Variants in STXBP5L observed in about 807,000 individuals in gnomAD.
STXBP5L encodes the protein syntaxin binding protein 5L.
A neutral mutation model predicts 144.5 loss-of-function variants in STXBP5L; 65 were observed. The observed-to-expected ratio is 0.45, with a 90% CI of 0.37 to 0.55. STXBP5L has a LOEUF of 0.55. Among genes scored for constraint, STXBP5L ranks in the 20% least tolerant of loss-of-function variants. The pLI is 0.00. For missense variants in STXBP5L, 1,298 were observed against 1,405.5 expected (o/e 0.92, Z 1.22); for synonymous variants, 505 against 469.6 (o/e 1.08, Z -0.97).
At chr3:120,992,144 CTTAT>C (rs567617731) in intron 3 of STXBP5L, among the ~76,000 whole-genome samples, 76 of 151,924 alleles carry the variant, frequency 5.0e-4, no homozygotes, top group South Asian at 3.5e-3. Context: ...TTTAAAAAAA[CTTAT>C]TTATTTATTT....
intron 9 of STXBP5L, among the ~76,000 whole-genome samples, chr3:121,198,117 G>A (rs1318595380): frequency 6.6e-6 from 1 of 151,332 alleles, no homozygotes; most frequent in African/African-American, 2.4e-5. Context: ...CACCAACAGT[G>A]TAAAAGCATT....
intron 2 of STXBP5L, among the ~76,000 whole-genome samples, chr3:120,930,627 A>C (rs1249510223): frequency 6.6e-6 from 1 of 152,034 alleles, no homozygotes; most frequent in African/African-American, 2.4e-5. Context: ...GATATATCAC[A>C]TTTTGACATT....
At chr3:121,334,383 C>T (rs1358263514) in intron 20 of STXBP5L, among the ~76,000 whole-genome samples, 1 of 151,920 alleles carries the variant, frequency 6.6e-6, no homozygotes, top group African/African-American at 2.4e-5. Context: ...GATTTCTCTC[C>T]AACTCATTTT....
intron 5 of STXBP5L, among the ~76,000 whole-genome samples, chr3:121,095,540 C>G (rs1413724618): frequency 6.6e-6 from 1 of 152,142 alleles, no homozygotes; most frequent in Non-Finnish European, 1.5e-5. Context: ...TTCATTTGGT[C>G]TTCAATCACT....
rs949462655 is a variant in STXBP5L at position 120,938,010 on chromosome 3, GT to G, written c.190-16921del. 9.9e-5 allele frequency among the ~76,000 whole-genome samples: 15 copies of G among 151,442 alleles called. No homozygotes were observed. The South Asian group carries it at 1.7e-3, about 17-fold the overall frequency. ...ATCCAGCATTCTTTTTCTTTTAAAA[GT>G]TTTTTTTTATTTTACAAGTAATGTA... On this transcript the variant is annotated intron_variant, in intron 2 of 26. Coordinates refer to ENST00000471454, the MANE Select transcript of STXBP5L (RefSeq NM_001308330.2).
chr3:121,403,662 A>C (rs1025504683), intron 22 of STXBP5L, among the ~76,000 whole-genome samples: 1 of 152,212 alleles, frequency 6.6e-6, no homozygotes, highest in Non-Finnish European at 1.5e-5. Flanking sequence ...ATGTGTGATA[A>C]ATAAGTAATT....
At chr3:121,104,392 A>C (rs2043586174) in intron 5 of STXBP5L, among the ~76,000 whole-genome samples, 1 of 152,182 alleles carries the variant, frequency 6.6e-6, no homozygotes, top group Non-Finnish European at 1.5e-5. Context: ...AACTAGAAAA[A>C]ACAATCCTAA....
chr3:121,181,178 A>C (rs535106872), intron 9 of STXBP5L, among the ~76,000 whole-genome samples: 1 of 151,158 alleles, frequency 6.6e-6, no homozygotes, highest in African/African-American at 2.4e-5. Context: ...GGGAGGGGAG[A>C]GGAGAGGAGG....
chr3:121,019,954 A>G (rs994287881), intron 3 of STXBP5L, among the ~76,000 whole-genome samples: 1 of 152,218 alleles, frequency 6.6e-6, no homozygotes, highest in African/African-American at 2.4e-5. Context: ...AAGAATTCAG[A>G]AGGTCGACTA....
chr3:121,334,442 C>CA (rs1378812054), intron 20 of STXBP5L, among the ~76,000 whole-genome samples: 4 of 148,362 alleles, frequency 2.7e-5, no homozygotes, highest in Non-Finnish European at 5.9e-5. Context: ...GACACAACAA[C>CA]AAAAAAAGAA....
At chr3:121,070,987 C>A (rs1183694192) in intron 5 of STXBP5L, among the ~76,000 whole-genome samples, 1 of 152,176 alleles carries the variant, frequency 6.6e-6, no homozygotes, top group Non-Finnish European at 1.5e-5. Flanking sequence ...GACCGAGTAA[C>A]TAGTCTAGTT....
At chr3:120,973,670 T>A (rs1375336216) in intron 3 of STXBP5L, among the ~76,000 whole-genome samples, 5 of 152,022 alleles carry the variant, frequency 3.3e-5, no homozygotes, top group African/African-American at 1.2e-4. Flanking sequence ...ATTAGGTAAA[T>A]CTCCTAATGC....
At chr3:121,417,232 GCAAT>G (rs1377022165) in intron 25 of STXBP5L, among the ~76,000 whole-genome samples, 1 of 152,128 alleles carries the variant, frequency 6.6e-6, no homozygotes, top group East Asian at 1.9e-4. Flanking sequence ...TGTATGTTCT[GCAAT>G]CAGATAGTGG....
At chr3:121,019,312 A>G (rs1945376085) in intron 3 of STXBP5L, among the ~76,000 whole-genome samples, 1 of 152,158 alleles carries the variant, frequency 6.6e-6, no homozygotes, top group African/African-American at 2.4e-5. Context: ...GACAAACGAC[A>G]TAATGCCTTG....
In STXBP5L at chr3:121,098,628, G is replaced by A. The variant is rs7642954; in HGVS notation, c.471-16297G>A. ...ACTCAAACCGTATTATGAGGCCAGA[G>A]AAATGAAGTGGCTCAGCTGTGGAAT... On this transcript the variant is annotated intron_variant, in intron 5 of 26. Coordinates refer to ENST00000471454, the MANE Select transcript of STXBP5L (RefSeq NM_001308330.2). 5.8e-3 allele frequency among the ~76,000 whole-genome samples: 877 copies of A among 152,300 alleles called. 11 individuals carry two copies. Among genetic ancestry groups the A allele is most frequent in the African/African-American group, 0.019 (788 of 41,560 alleles).
intron 9 of STXBP5L, among the ~76,000 whole-genome samples, chr3:121,170,198 GT>G (rs971680450): frequency 9.2e-5 from 14 of 152,300 alleles, no homozygotes; most frequent in African/African-American, 2.9e-4. Flanking sequence ...CTAAAGTAGT[GT>G]TTAGAGGGAA....
intron 20 of STXBP5L, among the ~76,000 whole-genome samples, chr3:121,331,454 A>G (rs953450176): frequency 6.6e-6 from 1 of 152,212 alleles, no homozygotes; most frequent in Non-Finnish European, 1.5e-5. Context: ...CTTGCATGAA[A>G]GGTAGAATCA....
intron 19 of STXBP5L, among the ~76,000 whole-genome samples, chr3:121,296,629 A>G (rs549208525): frequency 6.6e-6 from 1 of 152,336 alleles, no homozygotes; most frequent in Non-Finnish European, 1.5e-5. Context: ...GCAGAAAGCT[A>G]CTGCTGCTTC....
At chr3:121,124,180 A>T (rs1419427389) in intron 7 of STXBP5L, among the ~76,000 whole-genome samples, 1 of 151,920 alleles carries the variant, frequency 6.6e-6, no homozygotes, top group Non-Finnish European at 1.5e-5. Context: ...TTGCTGAATT[A>T]TTTATCTACT....
Sources: gnomAD v4.1 joint callset for allele counts (sites outside exome capture counted in the v4.1 genomes callset) on GRCh38, gnomAD v4.1.1 for gene constraint, MANE v1.5 for transcripts, NCBI Gene and HGNC (gene_info 2026-07-23, HGNC 2026-07-21) for gene names.